The following ATP8B1 variants were observed in gnomAD, a reference collection of about 807,000 sequenced individuals.
The protein encoded by ATP8B1 is phospholipid-transporting ATPase IC.
ATP8B1 carries 80 observed loss-of-function variants against 149.9 expected under a neutral mutation model. The ratio of observed to expected loss-of-function variants is 0.53; its 90% CI spans 0.45 to 0.64. The LOEUF (loss-of-function observed/expected upper bound fraction) is 0.64, where lower values mean the gene tolerates loss of function less well. Among genes scored for constraint, ATP8B1 ranks in the 30% least tolerant of loss-of-function variants. The pLI is 0.00. For missense variants in ATP8B1, 1,247 were observed against 1,552.6 expected (o/e 0.80, Z 3.31); for synonymous variants, 536 against 562.8 (o/e 0.95, Z 0.67).
At chr18:57,794,025 C>T (rs775252006) in intron 1 of ATP8B1, among the ~76,000 whole-genome samples, 3 of 152,138 alleles carry the variant, frequency 2.0e-5, no homozygotes, top group Non-Finnish European at 2.9e-5. Context: ...AGTATCAGAT[C>T]GCCAAGAGAT....
chr18:57,788,261 A>T (rs1948737232), intron 1 of ATP8B1, among the ~76,000 whole-genome samples: 1 of 151,288 alleles, frequency 6.6e-6, no homozygotes, highest in Non-Finnish European at 1.5e-5. Context: ...AGCACGAAAA[A>T]ATCGGAGCTT....
intron 1 of ATP8B1, among the ~76,000 whole-genome samples, chr18:57,742,603 A>C (rs980926217): frequency 2.6e-5 from 4 of 152,124 alleles, no homozygotes; most frequent in Non-Finnish European, 4.4e-5. Context: ...AAGCTGAGGC[A>C]GGAGGATCAT....
chr18:57,742,521 G>A (rs1341520641), intron 1 of ATP8B1, among the ~76,000 whole-genome samples: 1 of 152,072 alleles, frequency 6.6e-6, no homozygotes, highest in Non-Finnish European at 1.5e-5. Context: ...ATCCGCCCCA[G>A]AGCCCTTTCT....
chr18:57,787,529 G>GACACTGTGGGTGGAGCTCCATCTAGA lies in ATP8B1; in HGVS notation c.-26+15443_-26+15468dup, dbSNP rs1568071785. Among the ~76,000 whole-genome samples, 12 of 148,500 alleles carry GACACTGTGGGTGGAGCTCCATCTAGA rather than the reference G, an allele frequency of 8.1e-5. No homozygotes were observed. In the South Asian group the frequency reaches 1.5e-3, roughly 18 times the overall value. On this transcript the variant is annotated intron_variant, in intron 1 of 27. Coordinates refer to ENST00000648908, the MANE Select transcript of ATP8B1 (RefSeq NM_001374385.1). The stretch of plus-strand genomic sequence containing the variant: ...ACAATGCGGGTGGAGCTCCATCTAG[G>GACACTGTGGGTGGAGCTCCATCTAGA]ACACTGTGGGTGGAGCTCCATCTAG...
At chr18:57,767,646 A>T (rs998535813) in intron 1 of ATP8B1, among the ~76,000 whole-genome samples, 4 of 152,030 alleles carry the variant, frequency 2.6e-5, no homozygotes, top group African/African-American at 9.7e-5. Context: ...AAAATTAACC[A>T]GGCTTGGTGG....
At chr18:57,794,824 G>GAA (rs755198458) in intron 1 of ATP8B1, among the ~76,000 whole-genome samples, 4 of 145,338 alleles carry the variant, frequency 2.8e-5, no homozygotes, top group Admixed American at 1.4e-4. Flanking sequence ...AAGAAAGAAA[G>GAA]AATGGCATAT....
intron 1 of ATP8B1, among the ~76,000 whole-genome samples, chr18:57,775,497 G>A (rs111633118): frequency 1.5e-3 from 228 of 151,958 alleles, no homozygotes; most frequent in African/African-American, 4.8e-3. Context: ...CAGGGAGTGC[G>A]GAAAGAAATA....
chr18:57,654,137 C>G (rs1909829793), intron 23 of ATP8B1, 62 bp from the exon 24 acceptor site: 6 of 1,316,202 alleles, frequency 4.6e-6, no homozygotes, highest in Non-Finnish European at 6.6e-6. Context: ...CTAGTTAGCA[C>G]ATACTCATCT....
At chr18:57,651,913 T>G in intron 26 of ATP8B1, 121 bp downstream of exon 26, 1 of 1,253,676 alleles carries the variant, frequency 8.0e-7, no homozygotes, top group Non-Finnish European at 1.1e-6. Flanking sequence ...GGATTACAGG[T>G]GTGAGCCACT....
intron 2 of ATP8B1, among the ~76,000 whole-genome samples, chr18:57,724,651 T>A (rs1326772032): frequency 0.021 from 3,086 of 147,694 alleles, 97 homozygotes; most frequent in African/African-American, 0.072. Flanking sequence ...ACACTGTTGG[T>A]GGGACTGTAA....
chr18:57,749,156 G>A (rs2079992910), intron 1 of ATP8B1, among the ~76,000 whole-genome samples: 1 of 152,130 alleles, frequency 6.6e-6, no homozygotes. Flanking sequence ...CCCAATCAAT[G>A]TTTGCTTCCC....
At chr18:57,694,789 G>T in intron 10 of ATP8B1, 119 bp from the exon 11 acceptor site, 1 of 794,948 alleles carries the variant, frequency 1.3e-6, no homozygotes, top group Non-Finnish European at 2.1e-6. Flanking sequence ...CAGCAGTTTT[G>T]GAGGCTGAGT....
At chr18:57,657,099 C>T (rs1220440490) in intron 22 of ATP8B1, among the ~76,000 whole-genome samples, 1 of 151,966 alleles carries the variant, frequency 6.6e-6, no homozygotes, top group Non-Finnish European at 1.5e-5. Context: ...CCTCTAGGTT[C>T]CCTCCCCTCG....
At chr18:57,768,407 AAAAG>A (rs2080235493) in intron 1 of ATP8B1, among the ~76,000 whole-genome samples, 1 of 141,850 alleles carries the variant, frequency 7.0e-6, no homozygotes, top group African/African-American at 2.5e-5. Context: ...AAAAAAAAAA[AAAAG>A]AAAAGAAAAG....
At chr18:57,656,960 A>G (rs1181706521) in intron 22 of ATP8B1, among the ~76,000 whole-genome samples, 2 of 151,990 alleles carry the variant, frequency 1.3e-5, no homozygotes, top group African/African-American at 4.8e-5. Flanking sequence ...CTTGGACAAC[A>G]GGAGGTGTTT....
rs1284120852 is a variant in ATP8B1, at chr18:57,648,073, A to G, written c.*415T>C. On this transcript the variant is annotated 3_prime_UTR_variant, in exon 28 of 28. Coordinates refer to ENST00000648908, the MANE Select transcript of ATP8B1 (RefSeq NM_001374385.1). ...GCAATCTCGGCTCACTGTAACCTCC[A>G]TCTCCCAGGTTCAAGCGATTCTTCT... The G allele has an allele frequency of 9.1e-6, 3 of 329,704 alleles. No homozygotes were observed. The highest frequency in any genetic ancestry group is 1.2e-5 in the Non-Finnish European group (2 of 168,546). The allele number at this position is 329,704 out of a possible 1,614,324, so 20.4% of individuals were successfully genotyped here. A position where few individuals can be genotyped will look rare whatever the true frequency, so the allele number is the denominator to read the frequency against.
intron 22 of ATP8B1, 126 bp downstream of exon 22, chr18:57,661,048 T>C: frequency 7.6e-7 from 1 of 1,310,480 alleles, no homozygotes; most frequent in South Asian, 1.3e-5. Flanking sequence ...AGTGACTTTA[T>C]GAAACATCTG....
chr18:57,760,151 G>A (rs7227850), intron 1 of ATP8B1, among the ~76,000 whole-genome samples: 102,770 of 152,026 alleles, frequency 0.68, 35,588 homozygotes, highest in African/African-American at 0.82. Flanking sequence ...AGATCGGGGG[G>A]AAAAAATGAC....
intron 1 of ATP8B1, among the ~76,000 whole-genome samples, chr18:57,756,606 C>G (rs2080087058): frequency 6.6e-6 from 1 of 151,816 alleles, no homozygotes; most frequent in Non-Finnish European, 1.5e-5. Context: ...CCTCCACAAC[C>G]TGTATTTGTC....
Sources: gnomAD v4.1 joint callset for allele counts (sites outside exome capture counted in the v4.1 genomes callset) on GRCh38, gnomAD v4.1.1 for gene constraint, MANE v1.5 for transcripts, NCBI Gene and HGNC (gene_info 2026-07-23, HGNC 2026-07-21) for gene names.